CTC1: variants seen among roughly 807,000 people sequenced by gnomAD.
CTC1 encodes the protein CST telomere replication complex component 1, also known as CST complex subunit CTC1.
A neutral mutation model predicts 136.3 loss-of-function variants in CTC1; 91 were observed. The ratio of observed to expected loss-of-function variants is 0.67; its 90% CI spans 0.56 to 0.79. The LOEUF (loss-of-function observed/expected upper bound fraction) is 0.79, where lower values mean the gene tolerates loss of function less well. Ranked by LOEUF, CTC1 falls within the 30% of genes least tolerant of loss-of-function variation. The pLI is 0.00. For missense variants in CTC1, 1,432 were observed against 1,498.1 expected, an observed-to-expected ratio of 0.96 and a Z score of 0.73; for synonymous variants, 606 against 613.8, an observed-to-expected ratio of 0.99 and a Z score of 0.19.
Position 8,234,936 on chromosome 17 carries a change from G to T in CTC1, c.1440-10C>A. On this transcript the variant is annotated splice_polypyrimidine_tract_variant and intron_variant, in intron 8 of 22. Transcript: ENST00000651323. Reference sequence around the variant, plus strand: ...CACATGGGGACACAGCCTTGGCCAGGAAAAGCAGCACAGTCACTTCCCCTG... The same window carrying T: ...CACATGGGGACACAGCCTTGGCCAGTAAAAGCAGCACAGTCACTTCCCCTG... 6.3e-7 allele frequency: 1 copy of T among 1,593,854 alleles called. No homozygotes were observed. Among genetic ancestry groups the T allele is most frequent in the Non-Finnish European group, 8.6e-7 (1 of 1,168,544 alleles).
chr17:8,232,767 A>G, intron 11 of CTC1, 139 bp downstream of exon 11: 1 of 1,145,996 alleles, frequency 8.7e-7, no homozygotes, highest in Non-Finnish European at 1.3e-6. Context: ...CCTGCCATAC[A>G]AGTCTCCCAG....
In CTC1 at chr17:8,232,232, T is replaced by C. The variant is rs773254937; in HGVS notation, c.2061-5A>G. The C allele has an allele frequency of 1.3e-6, 2 of 1,535,774 alleles. No homozygotes were observed. Among genetic ancestry groups the C allele is most frequent in the African/African-American group, 2.8e-5 (2 of 72,154 alleles). On this transcript the variant is annotated splice_polypyrimidine_tract_variant and splice_region_variant and intron_variant, in intron 12 of 22. Coordinates refer to ENST00000651323, the MANE Select transcript of CTC1 (RefSeq NM_025099.6). ...AGAAAGAACTGGACATAGACTCTGT[T>C]GGGAGAGACAAGGAATACATTTCTT...
chr17:8,232,444 C>A lies in CTC1; in HGVS notation c.1977G>T (p.Leu659Phe). Residue 659 changes from leucine to phenylalanine, a missense_variant, in exon 12 of 23, where the codon TTG becomes TTT. Leu to Phe is a conservative substitution (Grantham distance 22). Transcript: ENST00000651323. ...TGCTTCTCACGTCCCTCTCTACGAT[C>A]AACTGAAACCTCTCTGCCCGCACCA... is the stretch of plus-strand genomic sequence containing the variant. ...GCLVRAERFQ[L>F]IVERDVRSSF... The A allele has an allele frequency of 6.2e-7, 1 of 1,614,116 alleles. No homozygotes were observed. The highest frequency in any genetic ancestry group is 1.1e-5 in the South Asian group (1 of 91,068).
rs1248489024 is a variant in CTC1, at chr17:8,230,579, A to T, written c.2742T>A (p.Ser914=). ...GGTCATTACCCAGTTTCATCCAGAG[A>T]GACGCCACAAGGGGTTCACATAGTG... ...SRTLCEPLVA[S]LWMKLGNTGA... is the part of the protein sequence containing the mutation. The change falls in exon 16 of 23, where the codon TCT becomes TCA. Residue 914 remains serine, a synonymous_variant. Coordinates refer to ENST00000651323, the MANE Select transcript of CTC1 (RefSeq NM_025099.6). 2 of 1,614,172 alleles carry T rather than the reference A, an allele frequency of 1.2e-6. No individual in the cohort carries two copies. Among genetic ancestry groups the T allele is most frequent in the Admixed American group, 3.3e-5 (2 of 60,016 alleles).
Position 8,237,886 on chromosome 17 carries a change from C to G in CTC1, c.647+145G>C, listed in dbSNP as rs530429135. The stretch of plus-strand genomic sequence containing the variant: ...CTTGAACAACCCTTCTCTTTACCTT[C>G]TTAATATTCAAAGCCCACCATTCCC... On this transcript the variant is annotated intron_variant, in intron 4 of 22. Transcript: ENST00000651323. 1.1e-4 allele frequency: 74 copies of G among 684,706 alleles called. No homozygotes were observed. The South Asian group carries it at 1.4e-3, about 13-fold the overall frequency. The allele number at this position is 684,706 out of a possible 1,614,324, so 42.4% of individuals were successfully genotyped here. A position where few individuals can be genotyped will look rare whatever the true frequency, so the allele number is the denominator to read the frequency against.
chr17:8,232,595 A>G (rs1435940420), intron 11 of CTC1, 120 bp from the exon 12 acceptor site: 3 of 791,978 alleles, frequency 3.8e-6, no homozygotes. Flanking sequence ...CTCACATGAC[A>G]TGAAAGCCCA....
In CTC1 at chr17:8,229,287, C is replaced by G. The variant is rs1475678794; in HGVS notation, c.3156+15G>C. The G allele has an allele frequency of 3.1e-6, 5 of 1,614,020 alleles. No individual in the cohort carries two copies. Among genetic ancestry groups the G allele is most frequent in the South Asian group, 1.1e-5 (1 of 91,076 alleles). ...CACTCCATACTCAGTTCAGCCTGTT[C>G]CTTCCCTCCCTTACCTGCCGGCAGA... is the stretch of plus-strand genomic sequence containing the variant. On this transcript the variant is annotated intron_variant, in intron 19 of 22. Transcript: ENST00000651323.
chr17:8,226,280 G>C lies in CTC1; in HGVS notation c.*1900C>G, dbSNP rs1567590998. 6.6e-6 allele frequency: 1 copy of C among 152,276 alleles called. No homozygotes were observed. Among genetic ancestry groups the C allele is most frequent in the Admixed American group, 6.5e-5 (1 of 15,282 alleles). 9.4% of individuals were successfully genotyped at this position (152,276 alleles called of 1,614,324 possible). On this transcript the variant is annotated 3_prime_UTR_variant, in exon 23 of 23. Transcript: ENST00000651323. ...CCCAGGATCTCCTGTTTACTAGACA[G>C]GCGCTTTAACCAACTAAGCCACGGC... is the stretch of plus-strand genomic sequence containing the variant.
chr17:8,230,831 A>C, intron 15 of CTC1, 180 bp from the exon 16 acceptor site: 6 of 609,910 alleles, frequency 9.8e-6, no homozygotes, highest in Non-Finnish European at 1.7e-5. Context: ...TGGGAAAAAG[A>C]GGGTTGTGGC....
At position 8,228,833 on chromosome 17, in the gene CTC1, G is replaced by A. The variant is rs536983035; in HGVS notation, c.3281C>T (p.Ala1094Val). 92 of 1,613,912 alleles carry A rather than the reference G, an allele frequency of 5.7e-5. No individual in the cohort carries two copies. The highest frequency in any genetic ancestry group is 7.4e-5 in the Non-Finnish European group (87 of 1,179,962). ...AVVTCRNHHVAAALGLCPREW... is the reference protein window; with the variant it reads ...AVVTCRNHHVVAALGLCPREW... ...TCTAGGACACAGCCCTAGTGCTGCT[G>A]CCACATGGTGATTCCTACAGGTCAC... Residue 1094 changes from alanine to valine, a missense_variant, in exon 21 of 23, where the codon GCA becomes GTA. Coordinates refer to ENST00000651323, the MANE Select transcript of CTC1 (RefSeq NM_025099.6).
At position 8,228,549 on chromosome 17, in the gene CTC1, C is replaced by A. The variant is rs1213104518; in HGVS notation, c.3468G>T (p.Val1156=). 1 of 1,614,126 alleles carries A rather than the reference C, an allele frequency of 6.2e-7. No individual in the cohort carries two copies. The highest frequency in any genetic ancestry group is 8.5e-7 in the Non-Finnish European group (1 of 1,180,022). ...CTSPSVLRPI[V]LSFELERKPS... ...GTTTCCTTTCCAGCTCAAAAGAAAGCACAATAGGACGGAGGACAGAGGGGC... is the reference window on the plus strand; with the variant it reads ...GTTTCCTTTCCAGCTCAAAAGAAAGAACAATAGGACGGAGGACAGAGGGGC... Residue 1156 remains valine, a synonymous_variant, in exon 22 of 23, where the codon GTG becomes GTT. Transcript: ENST00000651323.
chr17:8,226,796 C>G lies in CTC1; in HGVS notation c.*1384G>C, dbSNP rs1251480693. The G allele has an allele frequency of 2.0e-5, 3 of 151,590 alleles. 1 individual carries two copies. Among genetic ancestry groups the G allele is most frequent in the African/African-American group, 7.3e-5 (3 of 40,872 alleles). The allele number at this position is 151,590 out of a possible 1,614,324, so 9.4% of individuals were successfully genotyped here. On this transcript the variant is annotated 3_prime_UTR_variant, in exon 23 of 23. Coordinates refer to ENST00000651323, the MANE Select transcript of CTC1 (RefSeq NM_025099.6). ...CAGGGAAAAAAAGACGCGGCGGTTG[C>G]ACGTGAACCTTCCTTTCACCCGGGT...
In CTC1 at chr17:8,228,637, G is replaced by C; in HGVS notation, c.3388-8C>G. On this transcript the variant is annotated splice_polypyrimidine_tract_variant and splice_region_variant and intron_variant, in intron 21 of 22. Coordinates refer to ENST00000651323, the MANE Select transcript of CTC1 (RefSeq NM_025099.6). Reference sequence around the variant, plus strand: ...GTCAACCCTGGCTGAAGACTAGAAAGAGAAGGTCAAGGTTAACTGGCTCCT... The same window carrying C: ...GTCAACCCTGGCTGAAGACTAGAAACAGAAGGTCAAGGTTAACTGGCTCCT... 1.9e-6 allele frequency: 3 copies of C among 1,614,196 alleles called. No individual in the cohort carries two copies. The highest frequency in any genetic ancestry group is 2.5e-6 in the Non-Finnish European group (3 of 1,180,032).
At position 8,238,648 on chromosome 17, in the gene CTC1, A is replaced by C; in HGVS notation, c.198-19T>G. The stretch of plus-strand genomic sequence containing the variant: ...GACGAAGCTGTAGAGTGAAGGGAAC[A>C]GAGGTCCTGCAAAGCCAGGTCCAAG... On this transcript the variant is annotated intron_variant, in intron 2 of 22. Transcript: ENST00000651323. 1.3e-6 allele frequency: 2 copies of C among 1,546,158 alleles called. No homozygotes were observed. Among genetic ancestry groups the C allele is most frequent in the South Asian group, 2.4e-5 (2 of 81,752 alleles).
rs775207921 is a variant in CTC1, at chr17:8,237,470, A to G, written c.697T>C (p.Leu233=). The change falls in exon 5 of 23, where the codon TTG becomes CTG. Residue 233 remains leucine (L), a synonymous_variant. Coordinates refer to ENST00000651323, the MANE Select transcript of CTC1 (RefSeq NM_025099.6). The part of the protein sequence containing the change: ...QRNLAGSLVR[L]SALVKSKQKA... ...TGTTTACTTTTCACCAGAGCACTCAATCGAACTAGACTCCCAGCCAGGTTT... is the reference window on the plus strand; with the variant it reads ...TGTTTACTTTTCACCAGAGCACTCAGTCGAACTAGACTCCCAGCCAGGTTT... The G allele has an allele frequency of 1.2e-6, 2 of 1,613,976 alleles. No homozygotes were observed. The highest frequency in any genetic ancestry group is 2.2e-5 in the South Asian group (2 of 91,066).
At chr17:8,233,981 C>CT (rs1317309985) in intron 10 of CTC1, among the ~76,000 whole-genome samples, 1 of 151,964 alleles carries the variant, frequency 6.6e-6, no homozygotes, top group African/African-American at 2.4e-5. Flanking sequence ...ACAAGTTTCA[C>CT]TTTTTTTTAA....
Position 8,231,643 on chromosome 17 carries a change from T to A in CTC1, c.2475+83A>T, listed in dbSNP as rs767489107. 10 of 1,364,672 alleles carry A rather than the reference T, an allele frequency of 7.3e-6. No homozygotes were observed. In the East Asian group the frequency reaches 1.8e-4, roughly 25 times the overall value. The allele number at this position is 1,364,672 out of a possible 1,614,324, so 84.5% of individuals were successfully genotyped here. A position where few individuals can be genotyped will look rare whatever the true frequency, so the allele number is the denominator to read the frequency against. Reference sequence around the variant, plus strand: ...GCCTTCTTCCAGGAGGCCTAGAGAATGACCAGGCACTGGCATGCCCTCTTT... The same window carrying A: ...GCCTTCTTCCAGGAGGCCTAGAGAAAGACCAGGCACTGGCATGCCCTCTTT... On this transcript the variant is annotated intron_variant, in intron 14 of 22. Coordinates refer to ENST00000651323, the MANE Select transcript of CTC1 (RefSeq NM_025099.6).
intron 15 of CTC1, 54 bp from the exon 16 acceptor site, chr17:8,230,705 G>A (rs958970185): frequency 1.4e-5 from 21 of 1,460,420 alleles, no homozygotes; most frequent in African/African-American, 5.6e-5. Flanking sequence ...GCACAGAGTG[G>A]AGACAGTCAG....
intron 1 of CTC1, among the ~76,000 whole-genome samples, chr17:8,246,763 C>T (rs1178774758): frequency 1.3e-5 from 2 of 151,716 alleles, no homozygotes; most frequent in African/African-American, 4.8e-5. Flanking sequence ...CTGGGCATGG[C>T]GGCGCGTGCC....
Sources: gnomAD v4.1 joint callset for allele counts (sites outside exome capture counted in the v4.1 genomes callset) on GRCh38, gnomAD v4.1.1 for gene constraint, MANE v1.5 for transcripts, NCBI Gene and HGNC (gene_info 2026-07-23, HGNC 2026-07-21) for gene names.